Variants in SCARB1 observed in about 807,000 individuals in gnomAD.
SCARB1 encodes the protein CD36 and LIMPII analogous 1.
A neutral mutation model predicts 57.2 loss-of-function variants in SCARB1; 30 were observed. That is an observed-to-expected ratio of 0.52 (90% CI 0.39 to 0.71). The LOEUF (loss-of-function observed/expected upper bound fraction) is 0.71, where lower values mean the gene tolerates loss of function less well. Ranked by LOEUF, SCARB1 falls within the 30% of genes least tolerant of loss-of-function variation. SCARB1 has a pLI of 0.00. For missense variants in SCARB1, 543 were observed against 671.2 expected (o/e 0.81, Z 2.11); for synonymous variants, 249 against 268.3 (o/e 0.93, Z 0.70).
At chr12:124,834,321 A>G (rs1951539628) in intron 1 of SCARB1, among the ~76,000 whole-genome samples, 1 of 152,178 alleles carries the variant, frequency 6.6e-6, no homozygotes, top group Admixed American at 6.5e-5. Context: ...GGGACCAGAA[A>G]CAGACGTCAC....
At chr12:124,823,356 A>G (rs1951015801) in intron 1 of SCARB1, among the ~76,000 whole-genome samples, 1 of 152,244 alleles carries the variant, frequency 6.6e-6, no homozygotes, top group Non-Finnish European at 1.5e-5. Flanking sequence ...CAAAGAAAAT[A>G]CACAAATAGC....
In SCARB1 at chr12:124,796,668, T is replaced by C. The variant is rs1949953642; in HGVS notation, c.1129-1400A>G. 6.6e-6 allele frequency among the ~76,000 whole-genome samples: 1 copy of C among 152,206 alleles called. No homozygotes were observed. Among genetic ancestry groups the C allele is most frequent in the African/African-American group, 2.4e-5 (1 of 41,448 alleles). Reference sequence around the variant, plus strand: ...AGGGCCATAAATGCCTAGGTTATTATCACGTACACTATAGGGAAAGGATGT... The same window carrying C: ...AGGGCCATAAATGCCTAGGTTATTACCACGTACACTATAGGGAAAGGATGT... On this transcript the variant is annotated intron_variant, in intron 8 of 12. Transcript: ENST00000261693. The surrounding 1 kb of genome is among the most constrained non-coding windows in gnomAD (Gnocchi z 4.0).
At chr12:124,826,307 G>C (rs1951156942) in intron 1 of SCARB1, among the ~76,000 whole-genome samples, 1 of 148,274 alleles carries the variant, frequency 6.7e-6, no homozygotes, top group African/African-American at 2.5e-5. Flanking sequence ...CTCTAGCCTG[G>C]GTGACAGAGC....
At chr12:124,836,228 C>T (rs1396049939) in intron 1 of SCARB1, among the ~76,000 whole-genome samples, 2 of 152,206 alleles carry the variant, frequency 1.3e-5, no homozygotes, top group Non-Finnish European at 2.9e-5. Context: ...CACACGTATT[C>T]ACTGGCACGC....
chr12:124,828,141 TAC>T (rs1438300720), intron 1 of SCARB1, among the ~76,000 whole-genome samples: 2 of 152,006 alleles, frequency 1.3e-5, no homozygotes, highest in Non-Finnish European at 1.5e-5. Context: ...TTTTTTTAAA[TAC>T]ACAGAGAGTA....
At chr12:124,827,796 T>C (rs2135730835) in intron 1 of SCARB1, among the ~76,000 whole-genome samples, 1 of 152,298 alleles carries the variant, frequency 6.6e-6, no homozygotes, top group South Asian at 2.1e-4. Context: ...CTAAAACTCC[T>C]GACCTCCCGA....
intron 1 of SCARB1, among the ~76,000 whole-genome samples, chr12:124,826,865 A>C (rs529648340): frequency 3.9e-4 from 59 of 152,314 alleles, no homozygotes; most frequent in African/African-American, 1.3e-3. Context: ...CACATGAAAT[A>C]ATACTCTATA....
rs1470834891 is a variant in SCARB1, at chr12:124,814,962, G to A, written c.426+11C>T. ...GGGTGCGAGGCGGCGTGGGCCACAG[G>A]GCAGCCTCACCAAGACCAGGATGTT... On this transcript the variant is annotated intron_variant, in intron 3 of 12. Coordinates refer to ENST00000261693, the MANE Select transcript of SCARB1 (RefSeq NM_005505.5). This position sits in a 1 kb window ranked among gnomAD's most constrained non-coding sequence, Gnocchi z 4.7. The A allele has an allele frequency of 3.1e-6, 5 of 1,614,020 alleles. No individual in the cohort carries two copies. In the African/African-American group the frequency reaches 5.3e-5, roughly 17 times the overall value.
In SCARB1 at chr12:124,800,102, A is replaced by C. The variant is rs530132398; in HGVS notation, c.1128+22T>G. On this transcript the variant is annotated intron_variant, in intron 8 of 12. Transcript: ENST00000261693. The surrounding 1 kb of genome is among the most constrained non-coding windows in gnomAD (Gnocchi z 4.8). ...TCCAACCAGGAATCACCCACCCCCC[A>C]CAGAGGATGGCAGGGGCTCACCGGG... The C allele has an allele frequency of 1.1e-5, 17 of 1,565,150 alleles. No homozygotes were observed. Among genetic ancestry groups the C allele is most frequent in the East Asian group, 6.7e-5 (3 of 44,600 alleles).
intron 1 of SCARB1, among the ~76,000 whole-genome samples, chr12:124,853,390 G>GTT (rs757246980): frequency 3.1e-4 from 38 of 122,538 alleles, no homozygotes; most frequent in Non-Finnish European, 4.2e-4. Flanking sequence ...GCATAGTTTT[G>GTT]TTTTTTTTTT....
chr12:124,793,549 C>G (rs1250375022), intron 9 of SCARB1, among the ~76,000 whole-genome samples: 1 of 152,038 alleles, frequency 6.6e-6, no homozygotes, highest in African/African-American at 2.4e-5. Flanking sequence ...AAAAATTAGC[C>G]GGGCACGGTG....
chr12:124,861,968 T>C (rs964620547), intron 1 of SCARB1, among the ~76,000 whole-genome samples: 2 of 151,908 alleles, frequency 1.3e-5, no homozygotes, highest in African/African-American at 4.8e-5. Context: ...AATAACTGAG[T>C]TGGCAAGACT....
rs767295349 is a variant in SCARB1, at chr12:124,863,657, C to T, written c.64G>A (p.Ala22Thr). The change falls in exon 1 of 13, where the codon GCT (alanine) becomes ACT (threonine). Residue 22 changes from alanine (A) to threonine (T), a missense_variant. By Grantham distance (58) the Ala-to-Thr change is moderately conservative. Transcript: ENST00000261693. Reference protein sequence around the residue: ...GALGVAGLLCAVLGAVMIVMV... With the variant: ...GALGVAGLLCTVLGAVMIVMV... ...ACGATCATGACAGCGCCCAGCACAGCGCACAGTAGCCCCGCGACGCCCAGC... is the reference window on the plus strand; with the variant it reads ...ACGATCATGACAGCGCCCAGCACAGTGCACAGTAGCCCCGCGACGCCCAGC... The T allele has an allele frequency of 1.3e-6, 2 of 1,585,024 alleles. No individual in the cohort carries two copies. Among genetic ancestry groups the T allele is most frequent in the Non-Finnish European group, 1.7e-6 (2 of 1,166,692 alleles).
At chr12:124,815,478 A>G (rs562780756) in intron 2 of SCARB1, among the ~76,000 whole-genome samples, 1 of 152,354 alleles carries the variant, frequency 6.6e-6, no homozygotes, top group East Asian at 1.9e-4. Context: ...AGAAAGCACG[A>G]GGTAAACATC....
intron 7 of SCARB1, among the ~76,000 whole-genome samples, chr12:124,802,892 A>G (rs1157253149): frequency 6.6e-6 from 1 of 152,196 alleles, no homozygotes; most frequent in South Asian, 2.1e-4. Context: ...TTTAGATAAC[A>G]TGCCACAGAA....
At position 124,817,428 on chromosome 12, in the gene SCARB1, T is replaced by C. The variant is rs557673606; in HGVS notation, c.284+122A>G. 8 of 950,468 alleles carry C rather than the reference T, an allele frequency of 8.4e-6. No individual in the cohort carries two copies. In the Admixed American group the frequency reaches 1.7e-4, roughly 20 times the overall value. 58.9% of individuals were successfully genotyped at this position (950,468 alleles called of 1,614,324 possible). ...GACTAGCACTTACCCCGACTATGAC[T>C]TGCCTGCTTCCGGAACAATCTCTGG... On this transcript the variant is annotated intron_variant, in intron 2 of 12. Transcript: ENST00000261693. The surrounding 1 kb of genome is among the most constrained non-coding windows in gnomAD (Gnocchi z 4.8).
chr12:124,813,188 G>A (rs1950583022), intron 4 of SCARB1, among the ~76,000 whole-genome samples: 1 of 152,178 alleles, frequency 6.6e-6, no homozygotes, highest in Non-Finnish European at 1.5e-5. Flanking sequence ...CTGGCCAATA[G>A]AAAGGAAGTG....
intron 7 of SCARB1, among the ~76,000 whole-genome samples, chr12:124,802,865 G>A (rs1950182087): frequency 6.6e-6 from 1 of 152,164 alleles, no homozygotes. Context: ...AAAGGCAAAG[G>A]CATGGTACCT....
intron 9 of SCARB1, among the ~76,000 whole-genome samples, chr12:124,793,692 C>CAAAAAAAA (rs71092224): frequency 7.8e-5 from 4 of 51,526 alleles, no homozygotes; most frequent in African/African-American, 1.8e-4. Flanking sequence ...GACTCCGTCT[C>CAAAAAAAA]AAAAAAAAAA....
Sources: allele counts gnomAD v4.1 joint callset (sites outside exome capture counted in the v4.1 genomes callset), GRCh38; gene constraint gnomAD v4.1.1; non-coding constraint Gnocchi (gnomAD v3.1); transcripts MANE v1.5; gene names NCBI Gene and HGNC (gene_info 2026-07-23, HGNC 2026-07-21).